Variants in OSBPL3 observed in about 807,000 individuals in gnomAD.
OSBPL3 encodes the protein oxysterol binding protein like 3.
In OSBPL3, 65 loss-of-function variants were observed where a neutral mutation model predicts 120.1. The ratio of observed to expected loss-of-function variants is 0.54; its 90% CI spans 0.44 to 0.67. OSBPL3 has a LOEUF of 0.67. OSBPL3 is among the 30% of genes least tolerant of loss of function. OSBPL3 has a pLI of 0.00. For synonymous variants in OSBPL3, 416 were observed against 402.6 expected (o/e 1.03, Z -0.40); for missense variants, 1,004 against 1,082.1 (o/e 0.93, Z 1.01).
At chr7:24,880,758 A>G (rs1803568195) in intron 2 of OSBPL3, among the ~76,000 whole-genome samples, 1 of 152,062 alleles carries the variant, frequency 6.6e-6, no homozygotes, top group African/African-American at 2.4e-5. Flanking sequence ...AGGTCTTTTG[A>G]CTCCAACTCA....
At chr7:24,875,864 A>C (rs560579265) in intron 2 of OSBPL3, among the ~76,000 whole-genome samples, 1 of 152,252 alleles carries the variant, frequency 6.6e-6, no homozygotes, top group Non-Finnish European at 1.5e-5. Context: ...ATAAGAGGAC[A>C]TTGGTTACGT....
chr7:24,843,222 A>T (rs1797998666), intron 12 of OSBPL3, among the ~76,000 whole-genome samples: 1 of 152,192 alleles, frequency 6.6e-6, no homozygotes, highest in Non-Finnish European at 1.5e-5. Flanking sequence ...CATCCAACGC[A>T]CATCAGACCA....
intron 2 of OSBPL3, among the ~76,000 whole-genome samples, chr7:24,892,062 T>C (rs186160536): frequency 1.2e-4 from 18 of 152,328 alleles, no homozygotes; most frequent in Non-Finnish European, 2.2e-4. Context: ...ATTAGCTGTG[T>C]GTCCTTGGGC....
rs1244804874 is a variant in OSBPL3 at position 24,898,702 on chromosome 7, G to C, written c.-149-6081C>G. Among the ~76,000 whole-genome samples, 1 of 152,056 alleles carries C rather than the reference G, an allele frequency of 6.6e-6. No individual in the cohort carries two copies. Among genetic ancestry groups the C allele is most frequent in the African/African-American group, 2.4e-5 (1 of 41,386 alleles). ...GGTATCTGGCTGTCAGTTTAGGCTG[G>C]AACCATTTATTTGTCATCACTGAGT... On this transcript the variant is annotated intron_variant, in intron 1 of 22. Coordinates refer to ENST00000313367, the MANE Select transcript of OSBPL3 (RefSeq NM_015550.4). This position sits in a 1 kb window ranked among gnomAD's most constrained non-coding sequence, Gnocchi z 4.3.
At chr7:24,825,499 A>T (rs1349117508) in intron 16 of OSBPL3, among the ~76,000 whole-genome samples, 2 of 152,236 alleles carry the variant, frequency 1.3e-5, no homozygotes, top group African/African-American at 4.8e-5. Flanking sequence ...ACAAAAACAC[A>T]TTAAGTGCTG....
chr7:24,976,635 A>G (rs985715803), intron 1 of OSBPL3, among the ~76,000 whole-genome samples: 14 of 152,326 alleles, frequency 9.2e-5, no homozygotes, highest in Admixed American at 3.9e-4. Flanking sequence ...ACAACTCTCA[A>G]TTATGCATGG....
chr7:24,969,836 C>T (rs975574131), intron 1 of OSBPL3, among the ~76,000 whole-genome samples: 2 of 152,176 alleles, frequency 1.3e-5, no homozygotes, highest in Non-Finnish European at 2.9e-5. Context: ...TTCTCTGTCA[C>T]CACCAAAACA....
At position 24,946,460 on chromosome 7, in the gene OSBPL3, G is replaced by A. The variant is rs531567468; in HGVS notation, c.-150+33426C>T. The stretch of plus-strand genomic sequence containing the variant: ...ACTTCCACAGTGCTTAAAGGGGTAA[G>A]TTTCCATTAGTTAAAAAAATGTGTT... On this transcript the variant is annotated intron_variant, in intron 1 of 22. Coordinates refer to ENST00000313367, the MANE Select transcript of OSBPL3 (RefSeq NM_015550.4). The surrounding 1 kb of genome is among the most constrained non-coding windows in gnomAD (Gnocchi z 4.3). Among the ~76,000 whole-genome samples, 1 of 152,202 alleles carries A rather than the reference G, an allele frequency of 6.6e-6. No homozygotes were observed. The highest frequency in any genetic ancestry group is 1.9e-4 in the East Asian group (1 of 5,182).
At chr7:24,865,878 C>T (rs1284925138) in intron 6 of OSBPL3, among the ~76,000 whole-genome samples, 192 bp downstream of exon 6, 2 of 152,128 alleles carry the variant, frequency 1.3e-5, no homozygotes, top group African/African-American at 2.4e-5. Flanking sequence ...TGTCCGCCCC[C>T]GCCCCAACTA....
At position 24,827,071 on chromosome 7, in the gene OSBPL3, T is replaced by A. The variant is rs7802069; in HGVS notation, c.1884+3697A>T. 6.6e-6 allele frequency among the ~76,000 whole-genome samples: 1 copy of A among 152,100 alleles called. No individual in the cohort carries two copies. The highest frequency in any genetic ancestry group is 2.1e-4 in the South Asian group (1 of 4,816). On this transcript the variant is annotated intron_variant, in intron 16 of 22. Coordinates refer to ENST00000313367, the MANE Select transcript of OSBPL3 (RefSeq NM_015550.4). This position sits in a 1 kb window ranked among gnomAD's most constrained non-coding sequence, Gnocchi z 5.1. ...AGCTTGGAGATACAATTTCCATCAT[T>A]ATCCTCCTTAGAAAAAAATTCCACC...
At chr7:24,960,047 AAT>A (rs1336006996) in intron 1 of OSBPL3, among the ~76,000 whole-genome samples, 1 of 152,200 alleles carries the variant, frequency 6.6e-6, no homozygotes, top group Non-Finnish European at 1.5e-5. Flanking sequence ...ATTACTCTTA[AAT>A]GAACCTTCTG....
At chr7:24,893,189 T>C (rs981985924) in intron 1 of OSBPL3, among the ~76,000 whole-genome samples, 2 of 152,188 alleles carry the variant, frequency 1.3e-5, no homozygotes, top group Non-Finnish European at 2.9e-5. Context: ...TTCATAGCAA[T>C]GTTATTCACA....
At chr7:24,859,898 T>C (rs563634666) in intron 10 of OSBPL3, among the ~76,000 whole-genome samples, 1 of 152,304 alleles carries the variant, frequency 6.6e-6, no homozygotes, top group South Asian at 2.1e-4. Context: ...TTGTTTGGCA[T>C]TTAGATTATT....
intron 1 of OSBPL3, among the ~76,000 whole-genome samples, chr7:24,957,037 G>A (rs1220590753): frequency 6.6e-6 from 1 of 152,102 alleles, no homozygotes; most frequent in East Asian, 1.9e-4. Context: ...GCCTTGCCTG[G>A]TGCTATGCAG....
At position 24,804,410 on chromosome 7, in the gene OSBPL3, T is replaced by G; in HGVS notation, c.2472A>C (p.Glu824Asp). 1 of 1,614,000 alleles carries G rather than the reference T, an allele frequency of 6.2e-7. No homozygotes were observed. ...QRFLEEGNLE[E>D]AEIQKQRIEQ... ...CAATCCTCTGCTTTTGTATTTCAGC[T>G]TCTTCTAAGTTCCCTTCCTCTAGAA... Residue 824 changes from glutamate to aspartate, a missense_variant, in exon 22 of 23, where the codon GAA (glutamate) becomes GAC (aspartate). Transcript: ENST00000313367. The surrounding 1 kb of genome is among the most constrained non-coding windows in gnomAD (Gnocchi z 5.4).
rs886154279 is a variant in OSBPL3, at chr7:24,933,188, G to A, written c.-149-40567C>T. Among the ~76,000 whole-genome samples, 1 of 152,218 alleles carries A rather than the reference G, an allele frequency of 6.6e-6. No individual in the cohort carries two copies. The highest frequency in any genetic ancestry group is 2.4e-5 in the African/African-American group (1 of 41,456). ...GCTCAAGGTTAAAATGGGGAATAAA[G>A]AGGACAGGGACATTCAATTACACGT... On this transcript the variant is annotated intron_variant, in intron 1 of 22. Transcript: ENST00000313367. This position sits in a 1 kb window ranked among gnomAD's most constrained non-coding sequence, Gnocchi z 5.1.
Position 24,964,542 on chromosome 7 carries a change from A to G in OSBPL3, c.-150+15344T>C, listed in dbSNP as rs1041260648. Among the ~76,000 whole-genome samples the G allele has an allele frequency of 6.6e-6, 1 of 152,230 alleles. No homozygotes were observed. The highest frequency in any genetic ancestry group is 2.4e-5 in the African/African-American group (1 of 41,462). On this transcript the variant is annotated intron_variant, in intron 1 of 22. Coordinates refer to ENST00000313367, the MANE Select transcript of OSBPL3 (RefSeq NM_015550.4). The surrounding 1 kb of genome is among the most constrained non-coding windows in gnomAD (Gnocchi z 4.2). ...ACTACTCCTCAAAGCTCTCGAGGTC[A>G]TCAAACACAAGGAAAGCCTGAGAAA... is the stretch of plus-strand genomic sequence containing the variant.
Position 24,927,642 on chromosome 7 carries a change from T to C in OSBPL3, c.-149-35021A>G, listed in dbSNP as rs149147541. ...GATTGTTCAGTTTTTTTCACCGTGA[T>C]ACACTTGCTTGTAGTTATGTCTGTG... On this transcript the variant is annotated intron_variant, in intron 1 of 22. Transcript: ENST00000313367. Among the ~76,000 whole-genome samples the C allele has an allele frequency of 2.9e-3, 447 of 152,332 alleles. 2 individuals carry two copies. The highest frequency in any genetic ancestry group is 0.014 in the Middle Eastern group (4 of 294).
chr7:24,910,742 G>C (rs753427211), intron 1 of OSBPL3, among the ~76,000 whole-genome samples: 3 of 152,228 alleles, frequency 2.0e-5, no homozygotes, highest in Admixed American at 6.5e-5. Context: ...CAGTGGGGCT[G>C]GAGTTGTGAG....
Sources: gnomAD v4.1 joint callset for allele counts (sites outside exome capture counted in the v4.1 genomes callset) on GRCh38, gnomAD v4.1.1 for gene constraint, Gnocchi (gnomAD v3.1) non-coding constraint, MANE v1.5 for transcripts, NCBI Gene and HGNC (gene_info 2026-07-23, HGNC 2026-07-21) for gene names.